COBL: variants seen among roughly 807,000 people sequenced by gnomAD.
The protein encoded by COBL is cordon-bleu WH2 repeat protein, also known as protein cordon-bleu.
A neutral mutation model predicts 98.8 loss-of-function variants in COBL; 51 were observed. That is an observed-to-expected ratio of 0.52 (90% CI 0.41 to 0.65). The LOEUF (loss-of-function observed/expected upper bound fraction) is 0.65, where lower values mean the gene tolerates loss of function less well. COBL is among the 30% of genes least tolerant of loss of function. The pLI, the probability that COBL is intolerant of heterozygous loss-of-function variation, is 0.00. For synonymous variants in COBL, 634 were observed against 651.7 expected, an observed-to-expected ratio of 0.97 and a Z score of 0.41; for missense variants, 1,617 against 1,617.5, an observed-to-expected ratio of 1.00 and a Z score of 0.01.
At chr7:51,108,917 G>GAC (rs1159629618) in intron 6 of COBL, among the ~76,000 whole-genome samples, 1,289 of 57,876 alleles carry the variant, frequency 0.022, 6 homozygotes, top group South Asian at 0.048. Context: ...CTGACACATA[G>GAC]ACACACACAC....
intron 5 of COBL, among the ~76,000 whole-genome samples, chr7:51,147,920 T>G (rs1309688493): frequency 6.6e-6 from 1 of 151,798 alleles, no homozygotes; most frequent in African/African-American, 2.4e-5. Flanking sequence ...CCAGCTAAGT[T>G]TTTTGCATTT....
At chr7:51,233,505 A>C (rs1277442208) in intron 1 of COBL, among the ~76,000 whole-genome samples, 1 of 152,228 alleles carries the variant, frequency 6.6e-6, no homozygotes, top group African/African-American at 2.4e-5. Flanking sequence ...GGAAATCCTA[A>C]GACAAAAACT....
intron 1 of COBL, among the ~76,000 whole-genome samples, chr7:51,232,602 G>A (rs112443178): frequency 6.6e-6 from 1 of 152,164 alleles, no homozygotes; most frequent in African/African-American, 2.4e-5. Context: ...ATGAGGTCAG[G>A]AGATCGAGAC....
intron 5 of COBL, chr7:51,172,566 T>G: frequency 1.6e-6 from 2 of 1,270,000 alleles, no homozygotes; most frequent in Non-Finnish European, 2.0e-6. Flanking sequence ...CATCTCCAGG[T>G]GAAAGTTCAG....
intron 8 of COBL, among the ~76,000 whole-genome samples, chr7:51,042,702 G>A (rs887687512): frequency 2.0e-5 from 3 of 152,152 alleles, no homozygotes; most frequent in South Asian, 2.1e-4. Context: ...GCTATGAAAC[G>A]GCAATTAATC....
intron 5 of COBL, among the ~76,000 whole-genome samples, chr7:51,168,508 A>G (rs1488084073): frequency 6.6e-6 from 1 of 152,242 alleles, no homozygotes; most frequent in Admixed American, 6.5e-5. Flanking sequence ...AAACAGGCAT[A>G]TGAAAAGATG....
chr7:51,106,987 T>C lies in COBL; in HGVS notation c.958-21683A>G, dbSNP rs185852733. 7.1e-3 allele frequency among the ~76,000 whole-genome samples: 1,084 copies of C among 152,178 alleles called. 13 individuals carry two copies. Among genetic ancestry groups the C allele is most frequent in the African/African-American group, 0.025 (1,052 of 41,502 alleles). On this transcript the variant is annotated intron_variant, in intron 6 of 12. Transcript: ENST00000265136. Reference sequence around the variant, plus strand: ...AATCGTATAAATTTATGATACAAAGTTGATGTTATGATCTGTAAATACAAT... The same window carrying C: ...AATCGTATAAATTTATGATACAAAGCTGATGTTATGATCTGTAAATACAAT...
rs751815908 is a variant in COBL, at chr7:51,224,940, C to T, written c.42-4996G>A. Among the ~76,000 whole-genome samples, 13 of 150,092 alleles carry T rather than the reference C, an allele frequency of 8.7e-5. No homozygotes were observed. The South Asian group carries it at 1.7e-3, about 19-fold the overall frequency. On this transcript the variant is annotated intron_variant, in intron 1 of 12. Coordinates refer to ENST00000265136, the MANE Select transcript of COBL (RefSeq NM_015198.5). Reference sequence around the variant, plus strand: ...GGGTGACCTGTGCGTGTGGGCGGCCCGTGCATGCGGGGGCGGCCCGTGCAT... The same window carrying T: ...GGGTGACCTGTGCGTGTGGGCGGCCTGTGCATGCGGGGGCGGCCCGTGCAT...
rs1195197974 is a variant in COBL at position 51,016,406 on chromosome 7, C to T, written c.*1145G>A. 1.3e-5 allele frequency: 2 copies of T among 152,282 alleles called. No individual in the cohort carries two copies. Among genetic ancestry groups the T allele is most frequent in the Non-Finnish European group, 1.5e-5 (1 of 68,076 alleles). The allele number at this position is 152,282 out of a possible 1,614,324, so 9.4% of individuals were successfully genotyped here. On this transcript the variant is annotated 3_prime_UTR_variant, in exon 13 of 13. Transcript: ENST00000265136. ...AGTGACCTCACCATACTTGTTTTCT[C>T]ACTCAGATACACATTTTATTTCATC...
chr7:51,141,890 G>A (rs1403679150), intron 5 of COBL, among the ~76,000 whole-genome samples: 1 of 152,090 alleles, frequency 6.6e-6, no homozygotes, highest in Non-Finnish European at 1.5e-5. Flanking sequence ...CACAGTCTTG[G>A]GTAAGGGCAA....
chr7:51,073,406 G>T (rs1335858207), intron 7 of COBL: 5 of 668,138 alleles, frequency 7.5e-6, no homozygotes, highest in Non-Finnish European at 1.4e-5. Context: ...AAAATAAATG[G>T]CAAAATGTGA....
At position 51,245,595 on chromosome 7, in the gene COBL, A is replaced by G. The variant is rs138121300; in HGVS notation, c.42-25651T>C. On this transcript the variant is annotated intron_variant, in intron 1 of 12. Coordinates refer to ENST00000265136, the MANE Select transcript of COBL (RefSeq NM_015198.5). ...GAAATGATATATAAAAATATATAAA[A>G]TTAGAAATACAGTTTCATTCATTCT... 2.9e-3 allele frequency among the ~76,000 whole-genome samples: 445 copies of G among 152,354 alleles called. 3 individuals are homozygous for G. In the Middle Eastern group the frequency reaches 0.031, roughly 10 times the overall value.
intron 1 of COBL, among the ~76,000 whole-genome samples, chr7:51,288,989 G>A (rs982404611): frequency 3.9e-5 from 6 of 152,116 alleles, no homozygotes; most frequent in African/African-American, 1.2e-4. Context: ...CAGGAGTGCA[G>A]GGCCAAAACG....
intron 6 of COBL, among the ~76,000 whole-genome samples, chr7:51,098,354 C>G (rs1235859259): frequency 6.6e-6 from 1 of 151,710 alleles, no homozygotes; most frequent in African/African-American, 2.4e-5. Context: ...CTCACACTTT[C>G]TGGTTTCAAA....
At chr7:51,224,675 T>C (rs1794010248) in intron 1 of COBL, among the ~76,000 whole-genome samples, 1 of 151,884 alleles carries the variant, frequency 6.6e-6, no homozygotes. Flanking sequence ...GGTTTTTTAT[T>C]TTATTATTAT....
chr7:51,060,943 T>C (rs1478973111), intron 7 of COBL, among the ~76,000 whole-genome samples: 2 of 152,120 alleles, frequency 1.3e-5, no homozygotes, highest in Non-Finnish European at 2.9e-5. Flanking sequence ...GTATGGGATG[T>C]AGGAGATCCC....
intron 6 of COBL, among the ~76,000 whole-genome samples, chr7:51,103,299 GAGAA>G (rs1293955485): frequency 1.3e-5 from 2 of 152,194 alleles, no homozygotes; most frequent in Non-Finnish European, 1.5e-5. Context: ...GTTTGTGTGT[GAGAA>G]AGAGAGAGAA....
intron 1 of COBL, among the ~76,000 whole-genome samples, chr7:51,224,086 C>T (rs1306904213): frequency 6.6e-6 from 1 of 152,238 alleles, no homozygotes; most frequent in Non-Finnish European, 1.5e-5. Context: ...AGTAACATGC[C>T]GCACAGGTTT....
At position 51,043,506 on chromosome 7, in the gene COBL, T is replaced by A; in HGVS notation, c.1283A>T (p.Tyr428Phe). Residue 428 changes from tyrosine to phenylalanine, a missense_variant, in exon 8 of 13, where the codon TAC (tyrosine) becomes TTC (phenylalanine). By Grantham distance (22) the Tyr-to-Phe change is conservative. Transcript: ENST00000265136. ...SLDSQQDSMK[Y>F]KDKWATDQED... ...CTGGTCTGTGGCCCACTTGTCTTTG[T>A]ATTTCATGCTGTCCTGCTGCGAGTC... is the stretch of plus-strand genomic sequence containing the variant. The A allele has an allele frequency of 6.2e-7, 1 of 1,614,228 alleles. No homozygotes were observed. Among genetic ancestry groups the A allele is most frequent in the Non-Finnish European group, 8.5e-7 (1 of 1,180,030 alleles).
Sources: gnomAD v4.1 joint callset for allele counts (sites outside exome capture counted in the v4.1 genomes callset) on GRCh38, gnomAD v4.1.1 for gene constraint, MANE v1.5 for transcripts, NCBI Gene and HGNC (gene_info 2026-07-23, HGNC 2026-07-21) for gene names.